The following DROSHA variants were observed in gnomAD, a reference collection of about 807,000 sequenced individuals.
DROSHA encodes the protein ribonuclease 3.
In DROSHA, 56 loss-of-function variants were observed where a neutral mutation model predicts 181.9. That is an observed-to-expected ratio of 0.31 (90% CI 0.25 to 0.38). The LOEUF is 0.38. Ranked by LOEUF, DROSHA falls within the 10% of genes least tolerant of loss-of-function variation. The pLI, the probability that DROSHA is intolerant of heterozygous loss-of-function variation, is 1.00. For missense variants in DROSHA, 1,218 were observed against 1,743.5 expected (o/e 0.70, Z 5.37); for synonymous variants, 524 against 591.2 (o/e 0.89, Z 1.65).
chr5:31,423,029 A>G (rs1742956937), intron 28 of DROSHA, 85 bp from the exon 29 acceptor site: 1 of 1,254,916 alleles, frequency 8.0e-7, no homozygotes, highest in African/African-American at 1.6e-5. Context: ...GTGTTTTGTA[A>G]AATTCCTTCT....
intron 11 of DROSHA, among the ~76,000 whole-genome samples, chr5:31,501,247 A>G (rs1334384944): frequency 6.6e-6 from 1 of 152,130 alleles, no homozygotes; most frequent in Non-Finnish European, 1.5e-5. Flanking sequence ...CAGTTAGAGT[A>G]GAGAATATGA....
chr5:31,500,845 T>C (rs1363119412), intron 11 of DROSHA, among the ~76,000 whole-genome samples: 1 of 152,174 alleles, frequency 6.6e-6, no homozygotes, highest in African/African-American at 2.4e-5. Context: ...GTCATGGAAA[T>C]AGTTAATAGA....
intron 10 of DROSHA, among the ~76,000 whole-genome samples, chr5:31,506,576 G>A (rs1314080854): frequency 2.0e-5 from 3 of 151,808 alleles, no homozygotes; most frequent in Admixed American, 1.3e-4. Flanking sequence ...CACTGGGGAG[G>A]CTAAGGCAGG....
intron 5 of DROSHA, among the ~76,000 whole-genome samples, chr5:31,525,516 A>G (rs892823525): frequency 6.6e-6 from 1 of 150,880 alleles, no homozygotes; most frequent in African/African-American, 2.4e-5. Flanking sequence ...AAAAAAAAAA[A>G]AAAAAAAAAA....
intron 11 of DROSHA, among the ~76,000 whole-genome samples, chr5:31,503,414 C>A (rs1737533560): frequency 6.6e-6 from 1 of 152,186 alleles, no homozygotes; most frequent in African/African-American, 2.4e-5. Flanking sequence ...TAGCTGGCAC[C>A]ACTGCCCATC....
At chr5:31,477,910 A>G (rs1750597549) in intron 16 of DROSHA, among the ~76,000 whole-genome samples, 1 of 152,258 alleles carries the variant, frequency 6.6e-6, no homozygotes, top group Admixed American at 6.5e-5. Context: ...AAACTGGTCA[A>G]CATTGAATAA....
chr5:31,407,012 T>C (rs1160910557), intron 33 of DROSHA, 67 bp from the exon 34 acceptor site: 6 of 1,422,234 alleles, frequency 4.2e-6, no homozygotes, highest in Admixed American at 3.8e-5. Context: ...TATGTAACTA[T>C]GAGGAAAACC....
At position 31,493,937 on chromosome 5, in the gene DROSHA, T is replaced by TGTGTGTGTGTGTGTG. The variant is rs1554041127; in HGVS notation, c.1756-645_1756-644insCACACACACACACAC. 4.2e-4 allele frequency among the ~76,000 whole-genome samples: 61 copies of TGTGTGTGTGTGTGTG among 144,822 alleles called. 3 individuals are homozygous for TGTGTGTGTGTGTGTG. The highest frequency in any genetic ancestry group is 1.7e-3 in the East Asian group (8 of 4,762). On this transcript the variant is annotated intron_variant, in intron 12 of 35. Transcript: ENST00000344624. ...CTTATGCCATTCTTATAACCCACCA[T>TGTGTGTGTGTGTGTG]TGTGTGTGTGTGTGTGTGTGTGTGT...
intron 6 of DROSHA, 83 bp from the exon 7 acceptor site, chr5:31,515,647 C>T (rs200551302): frequency 3.4e-5 from 52 of 1,514,978 alleles, no homozygotes; most frequent in Non-Finnish European, 2.0e-5. Flanking sequence ...GTTTTGAATC[C>T]TCCACATCTG....
chr5:31,491,051 C>T (rs1304619656), intron 13 of DROSHA, among the ~76,000 whole-genome samples: 2 of 152,122 alleles, frequency 1.3e-5, no homozygotes, highest in African/African-American at 4.8e-5. Flanking sequence ...GTTTTCTACT[C>T]ACTTTTGCTG....
chr5:31,407,028 C>T, intron 33 of DROSHA, 83 bp from the exon 34 acceptor site: 1 of 1,169,350 alleles, frequency 8.6e-7, no homozygotes, highest in South Asian at 1.5e-5. Context: ...AAACCATGTA[C>T]TTAGTGCCTA....
intron 25 of DROSHA, among the ~76,000 whole-genome samples, chr5:31,433,849 G>A (rs555011776): frequency 1.6e-4 from 24 of 152,232 alleles, no homozygotes; most frequent in South Asian, 8.3e-4. Context: ...CACCACGCCC[G>A]GTATTAGTAC....
chr5:31,436,332 C>T (rs531745890), intron 24 of DROSHA, among the ~76,000 whole-genome samples: 1 of 151,620 alleles, frequency 6.6e-6, no homozygotes, highest in South Asian at 2.1e-4. Flanking sequence ...CATGTATTGT[C>T]TCCCTTTAAA....
At chr5:31,443,288 G>T (rs1165723931) in intron 23 of DROSHA, among the ~76,000 whole-genome samples, 1 of 151,870 alleles carries the variant, frequency 6.6e-6, no homozygotes, top group African/African-American at 2.4e-5. Flanking sequence ...AAAGTGCTGG[G>T]ATTACAGGTG....
intron 13 of DROSHA, among the ~76,000 whole-genome samples, chr5:31,491,982 C>G (rs559083775): frequency 6.6e-6 from 1 of 152,116 alleles, no homozygotes; most frequent in Admixed American, 6.5e-5. Context: ...TTAGTAGAGA[C>G]GGGGTTTCGC....
At position 31,483,615 on chromosome 5, in the gene DROSHA, T is replaced by G. The variant is rs1193911588; in HGVS notation, c.2010A>C (p.Glu670Asp). 21 of 1,610,046 alleles carry G rather than the reference T, an allele frequency of 1.3e-5. No individual in the cohort carries two copies. Among genetic ancestry groups the G allele is most frequent in the Non-Finnish European group, 1.8e-5 (21 of 1,179,248 alleles). The change falls in exon 16 of 36, where the codon GAA (glutamate) becomes GAC (aspartate). Residue 670 changes from glutamate to aspartate, a missense_variant. Coordinates refer to ENST00000344624, the MANE Select transcript of DROSHA (RefSeq NM_001382508.1). ...ATCTTGGGCAGCAGGGAGGGCTGTC[T>G]TCAAACAAAGGACCTGAAGCAAACA... Reference protein sequence around the residue: ...YDWNLKGPLFEDSPPCCPRFH... With the variant: ...YDWNLKGPLFDDSPPCCPRFH...
intron 30 of DROSHA, among the ~76,000 whole-genome samples, chr5:31,416,787 G>A (rs1742004609): frequency 6.6e-6 from 1 of 152,198 alleles, no homozygotes; most frequent in African/African-American, 2.4e-5. Flanking sequence ...GGGCAGGCGG[G>A]CAAGGCCAGA....
At position 31,470,849 on chromosome 5, in the gene DROSHA, A is replaced by G. The variant is rs780809121; in HGVS notation, c.2241+1214T>C. Among the ~76,000 whole-genome samples the G allele has an allele frequency of 2.0e-5, 3 of 152,148 alleles. No homozygotes were observed. Among genetic ancestry groups the G allele is most frequent in the Non-Finnish European group, 4.4e-5 (3 of 68,032 alleles). ...AGTGGAACCACCCAGCTGAAACTGG[A>G]CATCTGCCACCACCACCGCCCCATC... On this transcript the variant is annotated intron_variant, in intron 17 of 35. Transcript: ENST00000344624. The surrounding 1 kb of genome is among the most constrained non-coding windows in gnomAD (Gnocchi z 4.0).
rs556082181 is a variant in DROSHA, at chr5:31,466,109, G to A, written c.2466+73C>T. On this transcript the variant is annotated intron_variant, in intron 19 of 35. Transcript: ENST00000344624. Reference sequence around the variant, plus strand: ...TTCCATCTTGTACCAGAAGTATAGTGTGATACAACAATCACGAAATAAACC... The same window carrying A: ...TTCCATCTTGTACCAGAAGTATAGTATGATACAACAATCACGAAATAAACC... The A allele has an allele frequency of 2.0e-5, 29 of 1,457,878 alleles. No homozygotes were observed. In the African/African-American group the frequency reaches 2.5e-4, roughly 13 times the overall value. 90.3% of individuals were successfully genotyped at this position (1,457,878 alleles called of 1,614,324 possible).
Sources: gnomAD v4.1 joint callset for allele counts (sites outside exome capture counted in the v4.1 genomes callset) on GRCh38, gnomAD v4.1.1 for gene constraint, Gnocchi (gnomAD v3.1) non-coding constraint, MANE v1.5 for transcripts, NCBI Gene and HGNC (gene_info 2026-07-23, HGNC 2026-07-21) for gene names.